The following PRKG1 variants were observed in gnomAD, a reference collection of about 807,000 sequenced individuals.
PRKG1 encodes the protein protein kinase cGMP-dependent 1, also known as cGMP-dependent protein kinase 1.
In PRKG1, 35 loss-of-function variants were observed where a neutral mutation model predicts 88.1. The observed-to-expected ratio is 0.40, with a 90% CI of 0.30 to 0.53. PRKG1 has a LOEUF of 0.53. Ranked by LOEUF, PRKG1 falls within the 20% of genes least tolerant of loss-of-function variation. The pLI, the probability that PRKG1 is intolerant of heterozygous loss-of-function variation, is 0.59. For missense variants in PRKG1, 540 were observed against 839.8 expected, an observed-to-expected ratio of 0.64 and a Z score of 4.41; for synonymous variants, 303 against 292.5, an observed-to-expected ratio of 1.04 and a Z score of -0.37.
chr10:52,148,614 A>G (rs1034509711), intron 8 of PRKG1, among the ~76,000 whole-genome samples: 1 of 152,194 alleles, frequency 6.6e-6, no homozygotes, highest in Non-Finnish European at 1.5e-5. Context: ...AAGGTAGCAT[A>G]GAGGGAGAAG....
intron 2 of PRKG1, chr10:51,245,014 A>T (rs971541218): frequency 6.6e-6 from 1 of 152,070 alleles, no homozygotes. Flanking sequence ...CCAAGAGTTG[A>T]TTAGAATTTT....
intron 2 of PRKG1, among the ~76,000 whole-genome samples, chr10:51,352,965 C>A (rs2132569167): frequency 6.6e-6 from 1 of 152,018 alleles, no homozygotes; most frequent in East Asian, 1.9e-4. Context: ...ACCAACGGAA[C>A]AGATAGAGAA....
chr10:52,297,450 C>T lies in PRKG1; in HGVS notation c.*3550C>T, dbSNP rs1256848519. 3 of 152,106 alleles carry T rather than the reference C, an allele frequency of 2.0e-5. No individual in the cohort carries two copies. Among genetic ancestry groups the T allele is most frequent in the African/African-American group, 7.2e-5 (3 of 41,424 alleles). The allele number at this position is 152,106 out of a possible 1,614,324, so 9.4% of individuals were successfully genotyped here. On this transcript the variant is annotated 3_prime_UTR_variant, in exon 18 of 18. Coordinates refer to ENST00000373980, the MANE Select transcript of PRKG1 (RefSeq NM_006258.4). ...ACCTCAAAATGTTGTCCTTTCTTAG[C>T]TTGCTGCGTTTTACAGTTCTTTCTG...
intron 5 of PRKG1, among the ~76,000 whole-genome samples, chr10:51,987,862 G>A (rs536395590): frequency 6.6e-6 from 1 of 152,078 alleles, no homozygotes; most frequent in South Asian, 2.1e-4. Flanking sequence ...GCCACAAGGA[G>A]CAATATTTTT....
At chr10:51,452,547 A>T (rs1839466219) in intron 2 of PRKG1, among the ~76,000 whole-genome samples, 1 of 151,822 alleles carries the variant, frequency 6.6e-6, no homozygotes, top group Non-Finnish European at 1.5e-5. Context: ...TGTTGAGATG[A>T]TCATATGATT....
chr10:51,443,400 A>G (rs1435873752), intron 2 of PRKG1, among the ~76,000 whole-genome samples: 2 of 152,050 alleles, frequency 1.3e-5, no homozygotes, highest in African/African-American at 4.8e-5. Context: ...AACCTCTGTA[A>G]AAAAGTTTTA....
At chr10:52,293,712 T>C (rs888683795) in intron 17 of PRKG1, 90 bp from the exon 18 acceptor site, 10 of 992,826 alleles carry the variant, frequency 1.0e-5, no homozygotes, top group African/African-American at 1.6e-5. Flanking sequence ...TAGTCACTAA[T>C]AGGGAATAAA....
At chr10:51,011,310 C>T (rs1842991184) in intron 1 of PRKG1, among the ~76,000 whole-genome samples, 1 of 152,044 alleles carries the variant, frequency 6.6e-6, no homozygotes, top group South Asian at 2.1e-4. Context: ...ACCAGTAATA[C>T]TCTACCCACC....
At chr10:51,356,772 T>G (rs954122014) in intron 2 of PRKG1, among the ~76,000 whole-genome samples, 1 of 152,032 alleles carries the variant, frequency 6.6e-6, no homozygotes, top group African/African-American at 2.4e-5. Flanking sequence ...CAAGTAAATT[T>G]ATTTGACTCT....
intron 2 of PRKG1, among the ~76,000 whole-genome samples, chr10:51,371,766 T>C (rs1053967179): frequency 6.6e-6 from 1 of 152,156 alleles, no homozygotes; most frequent in Non-Finnish European, 1.5e-5. Context: ...TCAGTCACCA[T>C]CATCAACCCC....
intron 1 of PRKG1, among the ~76,000 whole-genome samples, chr10:51,131,333 G>A (rs901605493): frequency 6.6e-6 from 1 of 152,092 alleles, no homozygotes; most frequent in Non-Finnish European, 1.5e-5. Flanking sequence ...TCTGAGGAAG[G>A]CCTCAAAAAT....
intron 2 of PRKG1, among the ~76,000 whole-genome samples, chr10:51,379,515 A>G (rs2132625310): frequency 2.0e-5 from 3 of 152,360 alleles, no homozygotes; most frequent in Admixed American, 2.0e-4. Flanking sequence ...TTATATTTAA[A>G]TAATGGTTTT....
chr10:52,253,700 T>C (rs746762431), intron 10 of PRKG1, among the ~76,000 whole-genome samples: 7 of 151,884 alleles, frequency 4.6e-5, no homozygotes, highest in Admixed American at 2.6e-4. Flanking sequence ...TCATGGATAT[T>C]ATATTTTACT....
Position 52,226,382 on chromosome 10 carries a change from C to A in PRKG1, c.1077-25188C>A, listed in dbSNP as rs146755918. Among the ~76,000 whole-genome samples, 140 of 152,098 alleles carry A rather than the reference C, an allele frequency of 9.2e-4. 4 individuals are homozygous for A. The East Asian group carries it at 0.02, about 21-fold the overall frequency. On this transcript the variant is annotated intron_variant, in intron 9 of 17. Coordinates refer to ENST00000373980, the MANE Select transcript of PRKG1 (RefSeq NM_006258.4). ...AAACACTAAAAAGATTACAGAAGTT[C>A]CCTGGAATCATAGTTTGTCCCTCAC...
intron 2 of PRKG1, among the ~76,000 whole-genome samples, chr10:51,255,459 C>T (rs1274845306): frequency 1.3e-5 from 2 of 152,082 alleles, no homozygotes; most frequent in Admixed American, 6.6e-5. Context: ...GCTTAAACAA[C>T]GACATTTATT....
chr10:51,110,785 A>G (rs899429260), intron 1 of PRKG1, among the ~76,000 whole-genome samples: 1 of 152,112 alleles, frequency 6.6e-6, no homozygotes, highest in Admixed American at 6.6e-5. Flanking sequence ...TTAAATAGAG[A>G]ATGAACTGTG....
intron 2 of PRKG1, among the ~76,000 whole-genome samples, chr10:51,382,829 A>G (rs999384582): frequency 2.6e-5 from 4 of 152,138 alleles, no homozygotes; most frequent in African/African-American, 9.7e-5. Context: ...CCGTTTAACC[A>G]AAAGTTAGCT....
At chr10:51,490,743 C>T (rs1840686584) in intron 3 of PRKG1, among the ~76,000 whole-genome samples, 1 of 151,340 alleles carries the variant, frequency 6.6e-6, no homozygotes, top group Non-Finnish European at 1.5e-5. Flanking sequence ...TATGAGCTCT[C>T]ACATATTCTT....
chr10:51,969,216 C>A (rs1037836498), intron 5 of PRKG1, among the ~76,000 whole-genome samples: 1 of 152,074 alleles, frequency 6.6e-6, no homozygotes, highest in African/African-American at 2.4e-5. Context: ...GTAGCAAATG[C>A]AAAACCAGGC....
Sources: gnomAD v4.1 joint callset for allele counts (sites outside exome capture counted in the v4.1 genomes callset) on GRCh38, gnomAD v4.1.1 for gene constraint, MANE v1.5 for transcripts, NCBI Gene and HGNC (gene_info 2026-07-23, HGNC 2026-07-21) for gene names.